Variants in GRM8 observed in about 807,000 individuals in gnomAD.
The protein encoded by GRM8 is metabotropic glutamate receptor 8.
Under a neutral mutation model 87.2 loss-of-function variants are expected in GRM8, and 47 were observed. The observed-to-expected ratio is 0.54, with a 90% CI of 0.43 to 0.69. The LOEUF is 0.69. GRM8 is among the 30% of genes least tolerant of loss of function. The pLI is 0.00. For synonymous variants in GRM8, 396 were observed against 404.5 expected (o/e 0.98, Z 0.25); for missense variants, 1,019 against 1,139.2 (o/e 0.89, Z 1.52).
intron 7 of GRM8, among the ~76,000 whole-genome samples, chr7:126,638,255 T>C (rs1802048945): frequency 1.3e-5 from 2 of 152,192 alleles, no homozygotes; most frequent in East Asian, 1.9e-4. Flanking sequence ...ATTGTGTTTC[T>C]AGAAAGAGCC....
At chr7:126,443,796 A>C in intron 10 of GRM8, among the ~76,000 whole-genome samples, 1 of 152,006 alleles carries the variant, frequency 6.6e-6, no homozygotes, top group East Asian at 1.9e-4. Context: ...AAATACATGC[A>C]GGCTATATAA....
chr7:126,564,750 A>G (rs1562959859), intron 8 of GRM8, among the ~76,000 whole-genome samples: 2 of 152,198 alleles, frequency 1.3e-5, no homozygotes. Context: ...CATTACCCTC[A>G]TACCAAAGCC....
intron 7 of GRM8, among the ~76,000 whole-genome samples, chr7:126,733,536 A>G (rs751080642): frequency 6.6e-6 from 1 of 151,138 alleles, no homozygotes; most frequent in Non-Finnish European, 1.5e-5. Context: ...TCTCAATAAA[A>G]TACTAAATAT....
intron 2 of GRM8, among the ~76,000 whole-genome samples, chr7:127,133,418 A>G (rs1290700515): frequency 6.8e-6 from 1 of 146,390 alleles, no homozygotes; most frequent in Non-Finnish European, 1.5e-5. Flanking sequence ...AGTCTGTCTC[A>G]AAAAAAACCA....
At chr7:126,892,539 T>C (rs1192115582) in intron 6 of GRM8, among the ~76,000 whole-genome samples, 1 of 152,098 alleles carries the variant, frequency 6.6e-6, no homozygotes, top group Admixed American at 6.6e-5. Flanking sequence ...TCTATCATTG[T>C]TGGACATTTG....
At chr7:127,246,975 C>A (rs1323100053) in intron 1 of GRM8, among the ~76,000 whole-genome samples, 1 of 152,182 alleles carries the variant, frequency 6.6e-6, no homozygotes, top group African/African-American at 2.4e-5. Flanking sequence ...TGGGTCCTGT[C>A]CTTGGAGAAA....
intron 9 of GRM8, among the ~76,000 whole-genome samples, chr7:126,492,436 G>A (rs1305750826): frequency 6.6e-6 from 1 of 151,980 alleles, no homozygotes; most frequent in Non-Finnish European, 1.5e-5. Context: ...TGAGTACAGT[G>A]TTATTATTCA....
chr7:126,536,152 AG>A (rs1322677763), intron 8 of GRM8, among the ~76,000 whole-genome samples: 2 of 152,246 alleles, frequency 1.3e-5, no homozygotes, highest in African/African-American at 4.8e-5. Flanking sequence ...TCTATCCAGA[AG>A]GCACACCCAG....
chr7:127,249,362 G>A (rs1410902876), intron 1 of GRM8, among the ~76,000 whole-genome samples: 1 of 152,166 alleles, frequency 6.6e-6, no homozygotes, highest in African/African-American at 2.4e-5. Context: ...ATGCATTACT[G>A]TCATCCCCAA....
At chr7:126,984,674 A>G (rs992389441) in intron 3 of GRM8, among the ~76,000 whole-genome samples, 5 of 152,090 alleles carry the variant, frequency 3.3e-5, no homozygotes, top group African/African-American at 4.8e-5. Context: ...ATATAGATAT[A>G]AATATGTCCT....
chr7:126,742,915 C>G (rs34548930), intron 7 of GRM8, among the ~76,000 whole-genome samples: 67,211 of 151,330 alleles, frequency 0.44, 15,378 homozygotes, highest in Non-Finnish European at 0.48. Flanking sequence ...AAGTTTTCTG[C>G]GGGAAGGGAC....
rs563536505 is a variant in GRM8 at position 126,856,131 on chromosome 7, T to TA, written c.1156+46410dup. 3.0e-4 allele frequency among the ~76,000 whole-genome samples: 45 copies of TA among 152,264 alleles called. No homozygotes were observed. The East Asian group carries it at 3.7e-3, about 12-fold the overall frequency. On this transcript the variant is annotated intron_variant, in intron 6 of 10. Coordinates refer to ENST00000339582, the MANE Select transcript of GRM8 (RefSeq NM_000845.3). ...AAAAGTAAATTCTGTCTTTTTTTTT[T>TA]ATTCCTGAACTCAAATAATTAATAA...
intron 3 of GRM8, among the ~76,000 whole-genome samples, chr7:127,033,930 G>C (rs751547877): frequency 4.6e-5 from 7 of 152,128 alleles, no homozygotes; most frequent in African/African-American, 9.7e-5. Flanking sequence ...GTGTCTAAAA[G>C]ACATACCACA....
intron 7 of GRM8, among the ~76,000 whole-genome samples, chr7:126,681,684 G>T (rs534400542): frequency 6.6e-6 from 1 of 152,262 alleles, no homozygotes; most frequent in African/African-American, 2.4e-5. Context: ...TCACACTGAG[G>T]TGTATTTACT....
At chr7:127,058,411 A>G (rs951436231) in intron 3 of GRM8, among the ~76,000 whole-genome samples, 11 of 152,196 alleles carry the variant, frequency 7.2e-5, no homozygotes, top group Non-Finnish European at 1.6e-4. Flanking sequence ...GATAGATTTC[A>G]TGGCTTGTTA....
intron 6 of GRM8, among the ~76,000 whole-genome samples, chr7:126,855,827 C>G (rs1340778708): frequency 6.6e-6 from 1 of 152,014 alleles, no homozygotes; most frequent in Non-Finnish European, 1.5e-5. Flanking sequence ...AAATACTTAA[C>G]ACTGATCATG....
At chr7:126,679,117 A>T (rs1432586568) in intron 7 of GRM8, among the ~76,000 whole-genome samples, 1 of 152,186 alleles carries the variant, frequency 6.6e-6, no homozygotes, top group Non-Finnish European at 1.5e-5. Flanking sequence ...GCCATCTTCC[A>T]GGGTATGTGC....
At chr7:127,113,278 C>A (rs2133138873) in intron 2 of GRM8, among the ~76,000 whole-genome samples, 1 of 152,192 alleles carries the variant, frequency 6.6e-6, no homozygotes, top group South Asian at 2.1e-4. Flanking sequence ...CTAAATATCC[C>A]AAGGAAGCCA....
intron 6 of GRM8, among the ~76,000 whole-genome samples, chr7:126,816,053 C>A (rs1483230579): frequency 2.0e-5 from 3 of 152,012 alleles, no homozygotes; most frequent in Admixed American, 2.0e-4. Flanking sequence ...CTCTAATGCA[C>A]AATCTCCACA....
Sources: gnomAD v4.1 joint callset for allele counts (sites outside exome capture counted in the v4.1 genomes callset) on GRCh38, gnomAD v4.1.1 for gene constraint, MANE v1.5 for transcripts, NCBI Gene and HGNC (gene_info 2026-07-23, HGNC 2026-07-21) for gene names.